The following KCNH1 variants were observed in gnomAD, a reference collection of about 807,000 sequenced individuals.
The protein encoded by KCNH1 is voltage-gated delayed rectifier potassium channel KCNH1.
A neutral mutation model predicts 69.2 loss-of-function variants in KCNH1; 27 were observed. The ratio of observed to expected loss-of-function variants is 0.39; its 90% CI spans 0.29 to 0.54. KCNH1 has a LOEUF of 0.54. KCNH1 is among the 20% of genes least tolerant of loss of function. The probability of loss-of-function intolerance (pLI) is 0.68; values close to 1 mark genes in which losing one functional copy is unlikely to be tolerated. For synonymous variants in KCNH1, 456 were observed against 487.7 expected (o/e 0.93, Z 0.86); for missense variants, 798 against 1,261.6 (o/e 0.63, Z 5.57).
intron 6 of KCNH1, among the ~76,000 whole-genome samples, chr1:211,004,907 T>A (rs1043247357): frequency 5.3e-5 from 8 of 152,216 alleles, no homozygotes; most frequent in Non-Finnish European, 1.0e-4. Flanking sequence ...TTCACAATGT[T>A]AAGGTTCAAA....
chr1:211,010,154 C>G (rs1501553), intron 6 of KCNH1, among the ~76,000 whole-genome samples: 107,958 of 151,948 alleles, frequency 0.71, 39,296 homozygotes, highest in African/African-American at 0.87. Flanking sequence ...GCCTAGCGGA[C>G]GCAGAAAATA....
At chr1:210,805,173 G>C (rs555670387) in intron 7 of KCNH1, among the ~76,000 whole-genome samples, 4 of 152,178 alleles carry the variant, frequency 2.6e-5, no homozygotes, top group Non-Finnish European at 5.9e-5. Flanking sequence ...TTCCCTGACA[G>C]TGTGAGTTGC....
At chr1:211,019,655 C>G (rs1368904566) in intron 5 of KCNH1, among the ~76,000 whole-genome samples, 1 of 152,146 alleles carries the variant, frequency 6.6e-6, no homozygotes, top group Non-Finnish European at 1.5e-5. Context: ...ACTTTTTATT[C>G]AATAAATATT....
In KCNH1 at chr1:210,923,141, G is replaced by A. The variant is rs570201136; in HGVS notation, c.1033-3072C>T. On this transcript the variant is annotated intron_variant, in intron 6 of 10. Transcript: ENST00000271751. ...TGGAATATGGAATAGGGAGAAAAAGGAGGAAGAATCAAAAGCATAATAATA... is the reference window on the plus strand; with the variant it reads ...TGGAATATGGAATAGGGAGAAAAAGAAGGAAGAATCAAAAGCATAATAATA... Among the ~76,000 whole-genome samples, 5 of 152,330 alleles carry A rather than the reference G, an allele frequency of 3.3e-5. No homozygotes were observed. In the South Asian group the frequency reaches 1.0e-3, roughly 32 times the overall value.
chr1:210,939,382 A>C (rs1282424531), intron 6 of KCNH1, among the ~76,000 whole-genome samples: 1 of 152,200 alleles, frequency 6.6e-6, no homozygotes, highest in Non-Finnish European at 1.5e-5. Flanking sequence ...AGGGTTGTGA[A>C]GGAAAACTCT....
chr1:210,717,676 C>A (rs1044609553), intron 10 of KCNH1, among the ~76,000 whole-genome samples: 1 of 152,132 alleles, frequency 6.6e-6, no homozygotes, highest in Non-Finnish European at 1.5e-5. Context: ...TTCTACAGAC[C>A]GGATCTGAGG....
In KCNH1 at chr1:210,684,055, G is replaced by C. The variant is rs755403924; in HGVS notation, c.2196C>G (p.Pro732=). The stretch of plus-strand genomic sequence containing the variant: ...AGAGGCGCCGGACAGGGTGGTCCGG[G>C]GGCAAGATCAGGGGGGCCTCATTCT... ...KRKNEAPLIL[P]PDHPVRRLFQ... The change falls in exon 11 of 11, where the codon CCC becomes CCG. Residue 732 remains proline (P), a synonymous_variant. Coordinates refer to ENST00000271751, the MANE Select transcript of KCNH1 (RefSeq NM_172362.3). The C allele has an allele frequency of 3.2e-6, 5 of 1,542,666 alleles. No homozygotes were observed. The highest frequency in any genetic ancestry group is 4.4e-6 in the Non-Finnish European group (5 of 1,143,444).
intron 6 of KCNH1, among the ~76,000 whole-genome samples, chr1:210,923,680 A>G (rs1687509217): frequency 6.6e-6 from 1 of 152,354 alleles, no homozygotes; most frequent in Non-Finnish European, 1.5e-5. Flanking sequence ...CCATGTGTCC[A>G]TAAGTATTCT....
intron 7 of KCNH1, among the ~76,000 whole-genome samples, chr1:210,871,761 A>T (rs1271187036): frequency 6.6e-6 from 1 of 151,552 alleles, no homozygotes; most frequent in Non-Finnish European, 1.5e-5. Context: ...AGGGACATGG[A>T]TGAAACTGGA....
chr1:211,017,011 T>C (rs534715417), intron 6 of KCNH1, among the ~76,000 whole-genome samples: 1 of 151,806 alleles, frequency 6.6e-6, no homozygotes, highest in Admixed American at 6.6e-5. Context: ...CAGTCTTGAC[T>C]CATTTCATCC....
chr1:211,003,719 T>C (rs369019889), intron 6 of KCNH1, among the ~76,000 whole-genome samples: 1 of 152,146 alleles, frequency 6.6e-6, no homozygotes. Flanking sequence ...ATTCCTACGA[T>C]GGACAACAAT....
intron 10 of KCNH1, among the ~76,000 whole-genome samples, chr1:210,723,763 G>A (rs1682527980): frequency 6.6e-6 from 1 of 152,178 alleles, no homozygotes; most frequent in Admixed American, 6.5e-5. Flanking sequence ...AGTTAACCAT[G>A]GAGTAGAAAG....
At chr1:211,127,408 C>T (rs994272115) in intron 1 of KCNH1, among the ~76,000 whole-genome samples, 1 of 140,178 alleles carries the variant, frequency 7.1e-6, no homozygotes, top group Non-Finnish European at 1.5e-5. Context: ...AAATGAATAT[C>T]CTAAACACAC....
intron 10 of KCNH1, among the ~76,000 whole-genome samples, chr1:210,772,828 T>C (rs886794967): frequency 6.6e-6 from 1 of 152,200 alleles, no homozygotes; most frequent in Non-Finnish European, 1.5e-5. Context: ...ATTTTGGTTC[T>C]TCCTCTGTAC....
intron 7 of KCNH1, among the ~76,000 whole-genome samples, chr1:210,905,018 C>G (rs1463064948): frequency 2.0e-5 from 3 of 152,166 alleles, no homozygotes; most frequent in Non-Finnish European, 4.4e-5. Flanking sequence ...TCCCTCATGA[C>G]TCCCCACACC....
At chr1:210,916,161 T>C (rs1432192472) in intron 7 of KCNH1, among the ~76,000 whole-genome samples, 1 of 152,134 alleles carries the variant, frequency 6.6e-6, no homozygotes, top group East Asian at 1.9e-4. Flanking sequence ...AGTGTATACA[T>C]GTGTATACAC....
intron 10 of KCNH1, among the ~76,000 whole-genome samples, chr1:210,697,087 C>T (rs529140322): frequency 2.0e-4 from 30 of 152,346 alleles, no homozygotes; most frequent in African/African-American, 6.0e-4. Context: ...TTTACTCAGT[C>T]AGTCAGTGGG....
chr1:210,806,837 A>T (rs1558477857), intron 7 of KCNH1, among the ~76,000 whole-genome samples: 2 of 70,316 alleles, frequency 2.8e-5, no homozygotes, highest in Non-Finnish European at 5.4e-5. Context: ...AAAAAAAAAA[A>T]TATATATATA....
chr1:210,809,724 G>GA (rs1190638303), intron 7 of KCNH1, among the ~76,000 whole-genome samples: 3 of 152,174 alleles, frequency 2.0e-5, no homozygotes, highest in African/African-American at 7.2e-5. Flanking sequence ...GCTGTTTTGT[G>GA]AAAATCACAA....
Sources: gnomAD v4.1 joint callset for allele counts (sites outside exome capture counted in the v4.1 genomes callset) on GRCh38, gnomAD v4.1.1 for gene constraint, MANE v1.5 for transcripts, NCBI Gene and HGNC (gene_info 2026-07-23, HGNC 2026-07-21) for gene names.